MYO1D: variants seen among roughly 807,000 people sequenced by gnomAD.
MYO1D encodes the protein unconventional myosin-Id.
MYO1D carries 83 observed loss-of-function variants against 122.0 expected under a neutral mutation model. The ratio of observed to expected loss-of-function variants is 0.68; its 90% CI spans 0.57 to 0.82. The LOEUF is 0.82. Among genes scored for constraint, MYO1D ranks in the 40% least tolerant of loss-of-function variants. The probability of loss-of-function intolerance (pLI) is 0.00; values close to 1 mark genes in which losing one functional copy is unlikely to be tolerated. For synonymous variants in MYO1D, 464 were observed against 446.9 expected (o/e 1.04, Z -0.48); for missense variants, 1,157 against 1,269.5 (o/e 0.91, Z 1.35).
rs553105133 is a variant in MYO1D at position 32,758,061 on chromosome 17, T to C, written c.1296+2229A>G. 6.2e-4 allele frequency among the ~76,000 whole-genome samples: 94 copies of C among 152,152 alleles called. 2 individuals are homozygous for C. In the South Asian group the frequency reaches 0.019, roughly 31 times the overall value. ...GGAAGTTCACACACAGTCTATGAAATGGGCTGTGGAAAAAAACTGACTCTG... is the reference window on the plus strand; with the variant it reads ...GGAAGTTCACACACAGTCTATGAAACGGGCTGTGGAAAAAAACTGACTCTG... On this transcript the variant is annotated intron_variant, in intron 10 of 21. Coordinates refer to ENST00000318217, the MANE Select transcript of MYO1D (RefSeq NM_015194.3).
chr17:32,876,747 G>A (rs1286041837), intron 1 of MYO1D, 31 bp downstream of exon 1: 12 of 1,475,394 alleles, frequency 8.1e-6, no homozygotes, highest in Non-Finnish European at 9.9e-6. Context: ...GCGCAGCCTC[G>A]CGCCCCTGCG....
In MYO1D at chr17:32,611,177, C is replaced by T. The variant is rs2087696448; in HGVS notation, c.2710-5936G>A. Among the ~76,000 whole-genome samples, 4 of 152,136 alleles carry T rather than the reference C, an allele frequency of 2.6e-5. No homozygotes were observed. The South Asian group carries it at 6.2e-4, about 24-fold the overall frequency. ...CTCTCCTCCTCTGCAATGGAATGAG[C>T]GCTAGAGAGCAGAGCTCACTATACA... On this transcript the variant is annotated intron_variant, in intron 20 of 21. Transcript: ENST00000318217.
chr17:32,560,416 T>C lies in MYO1D; in HGVS notation c.2864+44671A>G, dbSNP rs140362171. 6.9e-4 allele frequency among the ~76,000 whole-genome samples: 104 copies of C among 150,346 alleles called. 1 individual carries two copies. The East Asian group carries it at 0.016, about 23-fold the overall frequency. On this transcript the variant is annotated intron_variant, in intron 21 of 21. Transcript: ENST00000318217. ...AGAGACACAGTTTCTGGAGTTTAAG[T>C]AATACTGAGATGAAGCCAAAAGAGA...
At chr17:32,806,189 C>T (rs1207315445) in intron 1 of MYO1D, among the ~76,000 whole-genome samples, 1 of 151,996 alleles carries the variant, frequency 6.6e-6, no homozygotes, top group Non-Finnish European at 1.5e-5. Flanking sequence ...ACTCAGGAGG[C>T]GGAGGTTGCA....
intron 21 of MYO1D, among the ~76,000 whole-genome samples, chr17:32,561,889 C>T (rs2087129581): frequency 6.6e-6 from 1 of 152,004 alleles, no homozygotes; most frequent in African/African-American, 2.4e-5. Flanking sequence ...CTGTGATTAT[C>T]AAGCAATATG....
intron 7 of MYO1D, among the ~76,000 whole-genome samples, chr17:32,767,139 T>A (rs945482339): frequency 1.3e-5 from 2 of 152,226 alleles, no homozygotes; most frequent in Admixed American, 6.5e-5. Context: ...AGTTCTTCAC[T>A]TCTAAGTTTG....
chr17:32,524,254 T>C lies in MYO1D; in HGVS notation c.2865-29339A>G, dbSNP rs1033947597. ...TTTTGCTTTTGTCTTTGGTGGAGCA[T>C]GCTTCCTTCCGACGTCAACTCACTC... On this transcript the variant is annotated intron_variant, in intron 21 of 21. Coordinates refer to ENST00000318217, the MANE Select transcript of MYO1D (RefSeq NM_015194.3). Among the ~76,000 whole-genome samples, 18 of 152,356 alleles carry C rather than the reference T, an allele frequency of 1.2e-4. 1 individual carries two copies. In the South Asian group the frequency reaches 2.7e-3, roughly 23 times the overall value.
intron 21 of MYO1D, chr17:32,529,986 T>A (rs1910459773): frequency 6.6e-6 from 1 of 152,228 alleles, no homozygotes; most frequent in Admixed American, 6.5e-5. Flanking sequence ...ATTACCAGTC[T>A]GCATCACCTA....
intron 1 of MYO1D, among the ~76,000 whole-genome samples, chr17:32,831,897 A>C (rs1417282256): frequency 6.6e-6 from 1 of 152,176 alleles, no homozygotes; most frequent in East Asian, 1.9e-4. Context: ...ACATAAGGGC[A>C]AGGCATCTTT....
chr17:32,825,531 G>A (rs571462119), intron 1 of MYO1D, among the ~76,000 whole-genome samples: 1 of 152,206 alleles, frequency 6.6e-6, no homozygotes, highest in African/African-American at 2.4e-5. Flanking sequence ...GGGCTCAGGC[G>A]ATCCATCCAC....
At chr17:32,806,486 C>A (rs952917206) in intron 1 of MYO1D, among the ~76,000 whole-genome samples, 1 of 152,148 alleles carries the variant, frequency 6.6e-6, no homozygotes, top group Admixed American at 6.5e-5. Flanking sequence ...ACCTCAGCCT[C>A]CTAAGTAGCT....
chr17:32,870,668 G>A (rs2091170961), intron 1 of MYO1D, among the ~76,000 whole-genome samples: 1 of 151,684 alleles, frequency 6.6e-6, no homozygotes, highest in African/African-American at 2.4e-5. Flanking sequence ...CAACATTTGA[G>A]TACTCAGTTA....
chr17:32,604,420 G>A (rs1462663292), intron 21 of MYO1D, among the ~76,000 whole-genome samples: 1 of 152,100 alleles, frequency 6.6e-6, no homozygotes, highest in Non-Finnish European at 1.5e-5. Context: ...CCCCTTATGG[G>A]AAGAGAAATC....
intron 21 of MYO1D, among the ~76,000 whole-genome samples, chr17:32,583,189 C>A (rs2087357525): frequency 6.6e-6 from 1 of 152,172 alleles, no homozygotes; most frequent in East Asian, 1.9e-4. Flanking sequence ...TCCTTCAGTA[C>A]TTTAAAGATG....
At chr17:32,611,698 T>C (rs540505547) in intron 20 of MYO1D, among the ~76,000 whole-genome samples, 4 of 152,096 alleles carry the variant, frequency 2.6e-5, no homozygotes, top group African/African-American at 9.6e-5. Context: ...AATTAGCTGG[T>C]TGTGGTGGAG....
At chr17:32,536,157 C>T (rs558773058) in intron 21 of MYO1D, among the ~76,000 whole-genome samples, 10 of 152,234 alleles carry the variant, frequency 6.6e-5, no homozygotes, top group African/African-American at 1.4e-4. Flanking sequence ...CTCAGCCTCC[C>T]GGAGTAGCTG....
At chr17:32,516,051 C>A (rs1196656207) in intron 21 of MYO1D, among the ~76,000 whole-genome samples, 1 of 152,244 alleles carries the variant, frequency 6.6e-6, no homozygotes, top group Non-Finnish European at 1.5e-5. Flanking sequence ...GTTCTGCACA[C>A]TTCCTAGCAG....
chr17:32,585,743 A>T (rs1282726377), intron 21 of MYO1D, among the ~76,000 whole-genome samples: 2 of 46,294 alleles, frequency 4.3e-5, no homozygotes, highest in Non-Finnish European at 9.8e-5. Context: ...GTCTCAAAAT[A>T]AAAAAAAAAA....
intron 21 of MYO1D, among the ~76,000 whole-genome samples, chr17:32,511,587 C>T (rs1489793087): frequency 3.3e-5 from 5 of 150,124 alleles, no homozygotes; most frequent in South Asian, 2.1e-4. Context: ...AAGAGGTTTT[C>T]GCCTTTGCTG....
Sources: gnomAD v4.1 joint callset for allele counts (sites outside exome capture counted in the v4.1 genomes callset) on GRCh38, gnomAD v4.1.1 for gene constraint, MANE v1.5 for transcripts, NCBI Gene and HGNC (gene_info 2026-07-23, HGNC 2026-07-21) for gene names.